Variants in LIPC observed in about 807,000 individuals in gnomAD.
LIPC encodes hepatic triacylglycerol lipase.
A neutral mutation model predicts 50.7 loss-of-function variants in LIPC; 44 were observed. The observed-to-expected ratio is 0.87, with a 90% CI of 0.68 to 1.11. LIPC has a LOEUF of 1.11. Among genes scored for constraint, LIPC ranks in the 50% most tolerant of loss-of-function variants. LIPC has a pLI of 0.00. For synonymous variants in LIPC, 271 were observed against 256.4 expected (o/e 1.06, Z -0.54); for missense variants, 697 against 648.2 (o/e 1.08, Z -0.82).
At position 58,508,026 on chromosome 15, in the gene LIPC, T is replaced by C. The variant is rs1044867215; in HGVS notation, c.89-30307T>C. Among the ~76,000 whole-genome samples, 6 of 152,184 alleles carry C rather than the reference T, an allele frequency of 3.9e-5. No homozygotes were observed. The East Asian group carries it at 9.6e-4, about 24-fold the overall frequency. ...GAATGAGCACCAAAACAGAAGACGA[T>C]GGTTTGTGACAAAATACTGTCCAGG... On this transcript the variant is annotated intron_variant, in intron 1 of 8. Transcript: ENST00000299022.
intron 1 of LIPC, among the ~76,000 whole-genome samples, chr15:58,474,948 A>C (rs1890941743): frequency 6.6e-6 from 1 of 152,204 alleles, no homozygotes; most frequent in African/African-American, 2.4e-5. Context: ...TGACCAAAGG[A>C]GAGGACACAT....
chr15:58,518,049 A>T (rs1172196851), intron 1 of LIPC, among the ~76,000 whole-genome samples: 2 of 152,184 alleles, frequency 1.3e-5, no homozygotes, highest in African/African-American at 4.8e-5. Flanking sequence ...TCCTGTGTTG[A>T]CCCTAGACCA....
intron 8 of LIPC, chr15:58,566,437 A>C: frequency 1.0e-6 from 1 of 985,202 alleles, no homozygotes; most frequent in Non-Finnish European, 1.2e-6. Context: ...GTTTAGTGAT[A>C]AACGAGAATC....
chr15:58,485,211 G>A (rs1176426630), intron 1 of LIPC, among the ~76,000 whole-genome samples: 1 of 152,206 alleles, frequency 6.6e-6, no homozygotes, highest in Non-Finnish European at 1.5e-5. Context: ...GACCCCGGGG[G>A]AGGCAGCAGC....
intron 1 of LIPC, among the ~76,000 whole-genome samples, chr15:58,441,194 A>G (rs1456685231): frequency 6.6e-6 from 1 of 152,198 alleles, no homozygotes; most frequent in Non-Finnish European, 1.5e-5. Flanking sequence ...CTTTTCCTCC[A>G]AGACAAGCCT....
chr15:58,564,826 T>C (rs1289145207), intron 8 of LIPC, among the ~76,000 whole-genome samples: 1 of 152,164 alleles, frequency 6.6e-6, no homozygotes, highest in African/African-American at 2.4e-5. Flanking sequence ...CACCCTGCCA[T>C]AGCAACCGTG....
At chr15:58,434,581 G>T (rs1893230665) in intron 1 of LIPC, among the ~76,000 whole-genome samples, 1 of 152,218 alleles carries the variant, frequency 6.6e-6, no homozygotes, top group Admixed American at 6.5e-5. Context: ...ACAGCCAGAG[G>T]TTTCTAGAAA....
At chr15:58,481,944 T>G (rs963637818) in intron 1 of LIPC, among the ~76,000 whole-genome samples, 3 of 152,210 alleles carry the variant, frequency 2.0e-5, no homozygotes. Context: ...TGCACTTGTA[T>G]GTGCCTATCC....
intron 1 of LIPC, among the ~76,000 whole-genome samples, chr15:58,465,358 C>G (rs1232394544): frequency 3.3e-5 from 5 of 152,212 alleles, no homozygotes; most frequent in Admixed American, 1.3e-4. Context: ...GCTTTTAACA[C>G]AGACTGTGCT....
chr15:58,483,072 C>A (rs1891247153), intron 1 of LIPC, among the ~76,000 whole-genome samples: 1 of 152,152 alleles, frequency 6.6e-6, no homozygotes, highest in Non-Finnish European at 1.5e-5. Context: ...TATCTCCCTA[C>A]CATGGACATA....
At chr15:58,544,149 G>A (rs1405617645) in intron 4 of LIPC, among the ~76,000 whole-genome samples, 2 of 152,094 alleles carry the variant, frequency 1.3e-5, no homozygotes, top group Admixed American at 6.5e-5. Context: ...AATAGCCTGG[G>A]GATGAGCAGC....
At chr15:58,567,719 G>A (rs908256346) in intron 8 of LIPC, among the ~76,000 whole-genome samples, 3 of 140,434 alleles carry the variant, frequency 2.1e-5, no homozygotes, top group Non-Finnish European at 4.6e-5. Flanking sequence ...ACTGATATGA[G>A]CAAGTCTCTG....
At position 58,538,421 on chromosome 15, in the gene LIPC, T is replaced by A. The variant is rs751257289; in HGVS notation, c.177T>A (p.Asn59Lys). 12 of 1,614,072 alleles carry A rather than the reference T, an allele frequency of 7.4e-6. No homozygotes were observed. In the African/African-American group the frequency reaches 1.3e-4, roughly 18 times the overall value. The part of the protein sequence containing the change: ...KTRFLLFGET[N>K]QGCQIRINHP... ...GATTCCTGCTCTTTGGAGAAACCAA[T>A]CAGGGCTGTCAGATTCGAATCAATC... Residue 59 changes from asparagine to lysine, a missense_variant, in exon 2 of 9, where the codon AAT becomes AAA. Coordinates refer to ENST00000299022, the MANE Select transcript of LIPC (RefSeq NM_000236.3).
intron 6 of LIPC, among the ~76,000 whole-genome samples, chr15:58,555,529 T>G (rs910407333): frequency 6.6e-6 from 1 of 152,242 alleles, no homozygotes; most frequent in Admixed American, 6.5e-5. Flanking sequence ...CTTTGAATCC[T>G]GCTCCACTGA....
intron 6 of LIPC, among the ~76,000 whole-genome samples, chr15:58,559,583 G>C (rs1270266483): frequency 2.6e-5 from 4 of 151,940 alleles, no homozygotes; most frequent in Admixed American, 6.6e-5. Context: ...TGCAATCTTG[G>C]AGCTAGAACA....
At chr15:58,433,354 C>A (rs1381488220) in intron 1 of LIPC, among the ~76,000 whole-genome samples, 1 of 152,244 alleles carries the variant, frequency 6.6e-6, no homozygotes, top group Non-Finnish European at 1.5e-5. Context: ...TCAATGAGTT[C>A]TCACAAACTG....
intron 1 of LIPC, among the ~76,000 whole-genome samples, chr15:58,534,157 G>A (rs561858005): frequency 1.3e-5 from 2 of 152,322 alleles, no homozygotes; most frequent in South Asian, 4.1e-4. Flanking sequence ...TTGGGAGGAA[G>A]GAAAATACAT....
chr15:58,445,139 T>C (rs1645661859), intron 1 of LIPC, among the ~76,000 whole-genome samples: 1 of 152,134 alleles, frequency 6.6e-6, no homozygotes, highest in African/African-American at 2.4e-5. Context: ...GGGAGAGGCA[T>C]CCTCCCTCTT....
In LIPC at chr15:58,563,611, T is replaced by C; in HGVS notation, c.1276T>C (p.Trp426Arg). Residue 426 changes from tryptophan to arginine, a missense_variant, in exon 8 of 9, where the codon TGG becomes CGG. Coordinates refer to ENST00000299022, the MANE Select transcript of LIPC (RefSeq NM_000236.3). ...IKFKWENSAV[W>R]ANVWDTVQTI... ...GTTCAAGTGGGAAAACAGTGCAGTG[T>C]GGGCCAATGTCTGGGACACGGTCCA... 1 of 1,614,224 alleles carries C rather than the reference T, an allele frequency of 6.2e-7. No individual in the cohort carries two copies. The highest frequency in any genetic ancestry group is 8.5e-7 in the Non-Finnish European group (1 of 1,180,034).
Sources: gnomAD v4.1 joint callset for allele counts (sites outside exome capture counted in the v4.1 genomes callset) on GRCh38, gnomAD v4.1.1 for gene constraint, MANE v1.5 for transcripts, NCBI Gene and HGNC (gene_info 2026-07-23, HGNC 2026-07-21) for gene names.